The following ADCY2 variants were observed in gnomAD, a reference collection of about 807,000 sequenced individuals.
ADCY2 encodes the protein adenylate cyclase type 2.
In ADCY2, 31 loss-of-function variants were observed where a neutral mutation model predicts 125.2. That is an observed-to-expected ratio of 0.25 (90% CI 0.19 to 0.33). ADCY2 has a LOEUF of 0.33. Among genes scored for constraint, ADCY2 ranks in the 10% least tolerant of loss-of-function variants. The pLI is 1.00. For synonymous variants in ADCY2, 512 were observed against 548.4 expected (o/e 0.93, Z 0.93); for missense variants, 904 against 1,418.2 (o/e 0.64, Z 5.82).
chr5:7,689,693 C>T (rs1253076483), intron 4 of ADCY2, among the ~76,000 whole-genome samples: 5 of 152,032 alleles, frequency 3.3e-5, no homozygotes, highest in African/African-American at 1.2e-4. Context: ...TCCCCTCCTC[C>T]CCTAATCCCT....
At chr5:7,414,431 A>C in intron 1 of ADCY2, 142 bp from the exon 2 acceptor site, 1 of 629,936 alleles carries the variant, frequency 1.6e-6, no homozygotes. Flanking sequence ...TAAATGTTCA[A>C]ACTGTTCTAC....
chr5:7,456,500 G>A (rs563504574), intron 2 of ADCY2, among the ~76,000 whole-genome samples: 19 of 152,304 alleles, frequency 1.2e-4, no homozygotes, highest in Non-Finnish European at 2.1e-4. Flanking sequence ...ACCATGGATG[G>A]CATCAATAAC....
chr5:7,704,424 A>G (rs1472280229), intron 7 of ADCY2, among the ~76,000 whole-genome samples: 2 of 152,164 alleles, frequency 1.3e-5, no homozygotes, highest in African/African-American at 4.8e-5. Context: ...TGCCATGAAC[A>G]TGTAAATTAT....
chr5:7,404,131 A>G (rs964387115), intron 1 of ADCY2, among the ~76,000 whole-genome samples: 1 of 152,206 alleles, frequency 6.6e-6, no homozygotes, highest in African/African-American at 2.4e-5. Flanking sequence ...TTTGCATTTC[A>G]TCCAAATTCT....
intron 15 of ADCY2, among the ~76,000 whole-genome samples, chr5:7,744,037 T>G (rs1244308647): frequency 6.6e-6 from 1 of 152,168 alleles, no homozygotes; most frequent in East Asian, 1.9e-4. Context: ...ATCATTTCCT[T>G]TAAGTTTTCA....
At chr5:7,515,428 G>A (rs1036746027) in intron 2 of ADCY2, among the ~76,000 whole-genome samples, 3 of 152,164 alleles carry the variant, frequency 2.0e-5, no homozygotes, top group Non-Finnish European at 4.4e-5. Context: ...TTTGCAAGGG[G>A]CCAGCTTCTC....
intron 24 of ADCY2, among the ~76,000 whole-genome samples, chr5:7,824,708 T>C (rs1347382097): frequency 6.6e-6 from 1 of 152,200 alleles, no homozygotes; most frequent in Non-Finnish European, 1.5e-5. Context: ...CACGTGGACC[T>C]TGTGCTAGGG....
chr5:7,776,604 G>A (rs1743736577), intron 18 of ADCY2, among the ~76,000 whole-genome samples: 1 of 152,110 alleles, frequency 6.6e-6, no homozygotes, highest in Admixed American at 6.6e-5. Flanking sequence ...CTAGGTAGCT[G>A]GTAAAGTATT....
At chr5:7,756,025 A>G (rs75728581) in intron 15 of ADCY2, among the ~76,000 whole-genome samples, 5,279 of 152,324 alleles carry the variant, frequency 0.035, 302 homozygotes, top group African/African-American at 0.12. Flanking sequence ...ATTTCTTGAA[A>G]TCATCACCTT....
At chr5:7,734,904 GACT>G (rs1742201526) in intron 14 of ADCY2, among the ~76,000 whole-genome samples, 2 of 152,190 alleles carry the variant, frequency 1.3e-5, no homozygotes, top group Non-Finnish European at 2.9e-5. Flanking sequence ...TCAGGTTGCA[GACT>G]ACTGTCTTCT....
chr5:7,726,879 T>C (rs1741949136), intron 13 of ADCY2, among the ~76,000 whole-genome samples: 1 of 152,124 alleles, frequency 6.6e-6, no homozygotes, highest in African/African-American at 2.4e-5. Context: ...AACCTTCTGG[T>C]CAGGTGCCTC....
chr5:7,677,444 C>T (rs188999493), intron 4 of ADCY2, among the ~76,000 whole-genome samples: 4 of 152,242 alleles, frequency 2.6e-5, no homozygotes, highest in Non-Finnish European at 4.4e-5. Context: ...TTGGGACTTA[C>T]GTTGACTAAC....
intron 2 of ADCY2, among the ~76,000 whole-genome samples, chr5:7,500,192 G>A (rs895703675): frequency 6.6e-6 from 1 of 152,152 alleles, no homozygotes; most frequent in African/African-American, 2.4e-5. Flanking sequence ...AGAAGTATTT[G>A]AACACCATTG....
intron 3 of ADCY2, among the ~76,000 whole-genome samples, chr5:7,557,135 T>TATATATATATATATA (rs1554019445): frequency 4.6e-4 from 36 of 77,464 alleles, no homozygotes; most frequent in African/African-American, 1.2e-3. Context: ...CAAAAACAGT[T>TATATATATATATATA]TATATATATA....
chr5:7,671,426 T>C (rs932065503), intron 4 of ADCY2, among the ~76,000 whole-genome samples: 1 of 152,132 alleles, frequency 6.6e-6, no homozygotes, highest in African/African-American at 2.4e-5. Flanking sequence ...TCATAGACAA[T>C]GATGCTCGAG....
intron 3 of ADCY2, among the ~76,000 whole-genome samples, chr5:7,557,860 A>T (rs143813434): frequency 1.3e-5 from 2 of 152,112 alleles, no homozygotes; most frequent in African/African-American, 4.8e-5. Context: ...AATGATTTCT[A>T]TTCCTTTGAG....
Position 7,709,206 on chromosome 5 carries a change from C to T in ADCY2, c.1402-5C>T. On this transcript the variant is annotated splice_region_variant and splice_polypyrimidine_tract_variant and intron_variant, in intron 9 of 24. Coordinates refer to ENST00000338316, the MANE Select transcript of ADCY2 (RefSeq NM_020546.3). This position sits in a 1 kb window ranked among gnomAD's most constrained non-coding sequence, Gnocchi z 4.4. Reference sequence around the variant, plus strand: ...CAGGTGTGATGCTTTGTTTCTCACCCCAAGGGAGAACGACGGAGCCCCCAG... The same window carrying T: ...CAGGTGTGATGCTTTGTTTCTCACCTCAAGGGAGAACGACGGAGCCCCCAG... 6.2e-7 allele frequency: 1 copy of T among 1,604,536 alleles called. No homozygotes were observed. The highest frequency in any genetic ancestry group is 8.5e-7 in the Non-Finnish European group (1 of 1,175,486).
At chr5:7,455,025 G>A (rs750762156) in intron 2 of ADCY2, among the ~76,000 whole-genome samples, 11 of 152,026 alleles carry the variant, frequency 7.2e-5, no homozygotes, top group East Asian at 1.9e-4. Context: ...GTGTTTATAC[G>A]GCTATAGAGT....
chr5:7,779,036 G>C (rs1221336663), intron 18 of ADCY2, among the ~76,000 whole-genome samples: 1 of 152,100 alleles, frequency 6.6e-6, no homozygotes, highest in African/African-American at 2.4e-5. Context: ...TCCCCACTCT[G>C]CCTGTTTCCT....
Sources: allele counts gnomAD v4.1 joint callset (sites outside exome capture counted in the v4.1 genomes callset), GRCh38; gene constraint gnomAD v4.1.1; non-coding constraint Gnocchi (gnomAD v3.1); transcripts MANE v1.5; gene names NCBI Gene and HGNC (gene_info 2026-07-23, HGNC 2026-07-21).